P4HTM: variants seen among roughly 807,000 people sequenced by gnomAD.
P4HTM encodes prolyl 4-hydroxylase, transmembrane, also known as transmembrane prolyl 4-hydroxylase.
A neutral mutation model predicts 55.3 loss-of-function variants in P4HTM; 33 were observed. That is an observed-to-expected ratio of 0.60 (90% CI 0.45 to 0.80). The LOEUF (loss-of-function observed/expected upper bound fraction) is 0.80, where lower values mean the gene tolerates loss of function less well. Ranked by LOEUF, P4HTM falls within the 30% of genes least tolerant of loss-of-function variation. The pLI, the probability that P4HTM is intolerant of heterozygous loss-of-function variation, is 0.00. For missense variants in P4HTM, 542 were observed against 696.5 expected (o/e 0.78, Z 2.50); for synonymous variants, 272 against 286.4 (o/e 0.95, Z 0.51).
At chr3:49,006,592 G>A in intron 8 of P4HTM, 95 bp from the exon 9 acceptor site, 1 of 960,032 alleles carries the variant, frequency 1.0e-6, no homozygotes, top group African/African-American at 1.6e-5. Flanking sequence ...CACAAGGAAT[G>A]CATAGCTGGA....
At chr3:48,998,295 A>G (rs2092951570) in intron 2 of P4HTM, 1 of 152,304 alleles carries the variant, frequency 6.6e-6, no homozygotes, top group Non-Finnish European at 1.5e-5. Context: ...GTAGCAGGCC[A>G]TGATGGGCTC....
At position 49,001,514 on chromosome 3, in the gene P4HTM, C is replaced by T. The variant is rs2106661775; in HGVS notation, c.513C>T (p.Ser171=). 2 of 1,613,866 alleles carry T rather than the reference C, an allele frequency of 1.2e-6. No individual in the cohort carries two copies. Among genetic ancestry groups the T allele is most frequent in the East Asian group, 4.5e-5 (2 of 44,888 alleles). ...CGCAGATGAAGGGGTTACAGCGCAG[C>T]CAGATCCTGCCTACTGAAGAGTATG... ...HLAQMKGLQR[S]QILPTEEYEE... Residue 171 remains serine, a synonymous_variant, in exon 3 of 9, where the codon AGC becomes AGT. Coordinates refer to ENST00000383729, the MANE Select transcript of P4HTM (RefSeq NM_177939.3).
chr3:49,000,958 G>A (rs527662227), intron 2 of P4HTM: 1 of 210,262 alleles, frequency 4.8e-6, no homozygotes, highest in South Asian at 7.8e-5. Context: ...GAAATTGGAG[G>A]GGAAGGCCCT....
At position 48,990,243 on chromosome 3, in the gene P4HTM, G is replaced by T. The variant is rs1289618718; in HGVS notation, c.-14G>T. The T allele has an allele frequency of 1.7e-6, 2 of 1,187,844 alleles. No homozygotes were observed. Among genetic ancestry groups the T allele is most frequent in the East Asian group, 7.3e-5 (2 of 27,572 alleles). 73.6% of individuals were successfully genotyped at this position (1,187,844 alleles called of 1,614,324 possible). ...CGCGGCCCCTCCCCTGGGCGCGCGCGCGACCTGGGTGCCATGGCGGCAGCG... is the reference window on the plus strand; with the variant it reads ...CGCGGCCCCTCCCCTGGGCGCGCGCTCGACCTGGGTGCCATGGCGGCAGCG... On this transcript the variant is annotated 5_prime_UTR_variant, in exon 1 of 9. Transcript: ENST00000383729. This position sits in a 1 kb window ranked among gnomAD's most constrained non-coding sequence, Gnocchi z 7.2.
Position 49,005,932 on chromosome 3 carries a change from C to G in P4HTM, c.1164+65C>G, listed in dbSNP as rs2092978145. On this transcript the variant is annotated intron_variant, in intron 7 of 8. Coordinates refer to ENST00000383729, the MANE Select transcript of P4HTM (RefSeq NM_177939.3). ...GGGCTTAGACAAGTGAAGTACACACCTCTCCAGGTCTAAGGATGTGGGCCC... is the reference window on the plus strand; with the variant it reads ...GGGCTTAGACAAGTGAAGTACACACGTCTCCAGGTCTAAGGATGTGGGCCC... 3.3e-6 allele frequency: 5 copies of G among 1,531,806 alleles called. 1 individual carries two copies. The South Asian group carries it at 6.2e-5, about 19-fold the overall frequency. The allele number at this position is 1,531,806 out of a possible 1,614,324, so 94.9% of individuals were successfully genotyped here. A position where few individuals can be genotyped will look rare whatever the true frequency, so the allele number is the denominator to read the frequency against.
At chr3:49,001,337 G>A (rs138913532) in intron 2 of P4HTM, 101 bp from the exon 3 acceptor site, 1 of 1,044,956 alleles carries the variant, frequency 9.6e-7, no homozygotes, top group Non-Finnish European at 1.5e-6. Context: ...GGTGGCCACT[G>A]AGGGACATGC....
chr3:49,004,019 G>T, intron 4 of P4HTM, 79 bp from the exon 5 acceptor site: 2 of 1,389,410 alleles, frequency 1.4e-6, no homozygotes, highest in Non-Finnish European at 2.0e-6. Flanking sequence ...TGCCTTTGGG[G>T]TAGGTAGGGA....
chr3:48,993,908 G>A (rs1450212843), intron 2 of P4HTM, among the ~76,000 whole-genome samples: 3 of 143,666 alleles, frequency 2.1e-5, no homozygotes, highest in African/African-American at 7.8e-5. Flanking sequence ...CAGATCTAAA[G>A]TCACCAAGGG....
chr3:49,000,559 C>T (rs770712674), intron 2 of P4HTM, among the ~76,000 whole-genome samples: 6 of 152,152 alleles, frequency 3.9e-5, no homozygotes, highest in Admixed American at 6.5e-5. Context: ...GCTTCTTGTC[C>T]TCCAGTGAAG....
In P4HTM at chr3:48,990,623, C is replaced by A; in HGVS notation, c.354+13C>A. On this transcript the variant is annotated intron_variant, in intron 1 of 8. Coordinates refer to ENST00000383729, the MANE Select transcript of P4HTM (RefSeq NM_177939.3). This position sits in a 1 kb window ranked among gnomAD's most constrained non-coding sequence, Gnocchi z 7.2. ...GGAGGGCATCAAGGTGAGGACCTCC[C>A]TGCCCCGCCGCGCTCCAGGCCCTGC... 1.3e-6 allele frequency: 2 copies of A among 1,539,330 alleles called. No homozygotes were observed. Among genetic ancestry groups the A allele is most frequent in the East Asian group, 2.4e-5 (1 of 41,064 alleles).
chr3:48,997,176 C>A (rs1011338956), intron 2 of P4HTM: 26 of 152,348 alleles, frequency 1.7e-4, no homozygotes, highest in African/African-American at 6.3e-4. Flanking sequence ...CTGCAGAGGC[C>A]ATGGCTACAA....
intron 5 of P4HTM, chr3:49,004,529 C>T (rs2092970841): frequency 1.8e-6 from 1 of 556,374 alleles, no homozygotes; most frequent in Admixed American, 3.5e-5. Flanking sequence ...ATCTTTGACC[C>T]CTTATCTGAC....
Position 49,005,862 on chromosome 3 carries a change from G to T in P4HTM, c.1159G>T (p.Glu387Ter). ...TGTAGCAGATAACAGAACCTACGAT[G>T]AAATGGTAAGGGTCAACTGGGCTAT... ...FPVADNRTYD[E>*]MSLIQDDVDL... is the part of the protein sequence containing the mutation. The change falls in exon 7 of 9, where the codon GAA (glutamate) becomes TAA (stop). Residue 387 changes from glutamate to a stop codon, truncating the protein, a stop_gained. Transcript: ENST00000383729. LOFTEE classifies it high-confidence loss of function. 2 of 1,547,312 alleles carry T rather than the reference G, an allele frequency of 1.3e-6. No individual in the cohort carries two copies. Among genetic ancestry groups the T allele is most frequent in the Non-Finnish European group, 1.7e-6 (2 of 1,147,182 alleles).
Position 48,990,311 on chromosome 3 carries a change from G to A in P4HTM, c.55G>A (p.Ala19Thr). The change falls in exon 1 of 9, where the codon GCC becomes ACC. Residue 19 changes from alanine (A) to threonine (T), a missense_variant. Ala to Thr is a moderately conservative substitution (Grantham distance 58). Coordinates refer to ENST00000383729, the MANE Select transcript of P4HTM (RefSeq NM_177939.3). The surrounding 1 kb of genome is among the most constrained non-coding windows in gnomAD (Gnocchi z 7.2). ...QRPETAAAEE[A>T]SRPQWAPPDH... ...GCCTGAGACCGCGGCGGCCGAGGAGGCCTCGAGGCCGCAGTGGGCGCCGCC... is the reference window on the plus strand; with the variant it reads ...GCCTGAGACCGCGGCGGCCGAGGAGACCTCGAGGCCGCAGTGGGCGCCGCC... 1.4e-6 allele frequency: 2 copies of A among 1,381,760 alleles called. No homozygotes were observed. Among genetic ancestry groups the A allele is most frequent in the Non-Finnish European group, 1.9e-6 (2 of 1,074,280 alleles). 85.6% of individuals were successfully genotyped at this position (1,381,760 alleles called of 1,614,324 possible). A position where few individuals can be genotyped will look rare whatever the true frequency, so the allele number is the denominator to read the frequency against.
Position 48,999,038 on chromosome 3 carries a change from G to C in P4HTM, c.437-2400G>C, listed in dbSNP as rs906291647. 1.3e-5 allele frequency among the ~76,000 whole-genome samples: 2 copies of C among 152,090 alleles called. No homozygotes were observed. Among genetic ancestry groups the C allele is most frequent in the African/African-American group, 4.8e-5 (2 of 41,398 alleles). On this transcript the variant is annotated intron_variant, in intron 2 of 8. Coordinates refer to ENST00000383729, the MANE Select transcript of P4HTM (RefSeq NM_177939.3). This position sits in a 1 kb window ranked among gnomAD's most constrained non-coding sequence, Gnocchi z 4.8. ...CCTATCTTGACATTCAAGAGCCCTT[G>C]ACCACCATTGATGGTCTCCTGCCTA...
At chr3:48,990,098 C>T (rs556817911), upstream of P4HTM, 256 of 602,712 alleles carry the variant, frequency 4.2e-4, no homozygotes, top group Non-Finnish European at 5.1e-4. This position sits in a 1 kb window ranked among gnomAD's most constrained non-coding sequence, Gnocchi z 7.2. Flanking sequence ...AAGGCCGAGC[C>T]CGGCGCGGAC....
intron 6 of P4HTM, 96 bp downstream of exon 6, chr3:49,005,142 T>C (rs1409787742): frequency 6.2e-7 from 1 of 1,611,704 alleles, no homozygotes. Flanking sequence ...CCCCTTGGCA[T>C]GGGGCCAGGA....
rs758980252 is a variant in P4HTM at position 49,006,781 on chromosome 3, C to T, written c.1383C>T (p.Asp461=). The change falls in exon 9 of 9, where the codon GAC becomes GAT. Residue 461 remains aspartate, a synonymous_variant. Transcript: ENST00000383729. ...TTGCCAACAACTGGATTAATGTGGA[C>T]CCCAGCCGAGCGCGGCAAGCGCTGT... The part of the protein sequence containing the change: ...KWIANNWINV[D]PSRARQALFQ... The T allele has an allele frequency of 3.7e-6, 6 of 1,613,490 alleles. No individual in the cohort carries two copies. The highest frequency in any genetic ancestry group is 1.1e-5 in the South Asian group (1 of 91,096).
Position 49,006,973 on chromosome 3 carries a change from CCTT to C in P4HTM, c.*69_*71del, listed in dbSNP as rs2106676059. The C allele has an allele frequency of 1.5e-6, 2 of 1,301,514 alleles. No individual in the cohort carries two copies. Among genetic ancestry groups the C allele is most frequent in the Admixed American group, 2.0e-5 (1 of 50,976 alleles). 80.6% of individuals were successfully genotyped at this position (1,301,514 alleles called of 1,614,324 possible). On this transcript the variant is annotated 3_prime_UTR_variant, in exon 9 of 9. Coordinates refer to ENST00000383729, the MANE Select transcript of P4HTM (RefSeq NM_177939.3). ...TGCCCAAGATCAGGGGTCCGGCTGTCCTTCTGTCCTGCTGCAGACTAAAGGTCT... is the reference window on the plus strand; with the variant it reads ...TGCCCAAGATCAGGGGTCCGGCTGTCCTGTCCTGCTGCAGACTAAAGGTCT...
Sources: gnomAD v4.1 joint callset for allele counts (sites outside exome capture counted in the v4.1 genomes callset) on GRCh38, gnomAD v4.1.1 for gene constraint, Gnocchi (gnomAD v3.1) non-coding constraint, MANE v1.5 for transcripts, NCBI Gene and HGNC (gene_info 2026-07-23, HGNC 2026-07-21) for gene names.